TSHR: variants seen among roughly 807,000 people sequenced by gnomAD.
The protein encoded by TSHR is thyrotropin receptor.
Under a neutral mutation model 64.1 loss-of-function variants are expected in TSHR, and 51 were observed. The ratio of observed to expected loss-of-function variants is 0.80; its 90% confidence interval spans 0.64 to 1.01. The LOEUF is 1.01. Ranked by LOEUF, TSHR falls within the 50% of genes least tolerant of loss-of-function variation. The pLI, the probability that TSHR is intolerant of heterozygous loss-of-function variation, is 0.00. For missense variants in TSHR, 877 were observed against 942.8 expected (o/e 0.93, Z 0.91); for synonymous variants, 361 against 361.9 (o/e 1.00, Z 0.03).
At chr14:81,027,002 C>T (rs2139813368) in intron 1 of TSHR, among the ~76,000 whole-genome samples, 1 of 149,182 alleles carries the variant, frequency 6.7e-6, no homozygotes, top group East Asian at 2.0e-4. Flanking sequence ...CGCCACTGCA[C>T]TCCAGCCTGG....
chr14:81,103,498 A>G lies in TSHR; in HGVS notation c.615-4877A>G. ...TTTTAAAATGTAACTGAATAATACA[A>G]TTACAGCCAAGCTGGACAAATTCCA... On this transcript the variant is annotated intron_variant, in intron 7 of 9. Transcript: ENST00000298171. This position sits in a 1 kb window ranked among gnomAD's most constrained non-coding sequence, Gnocchi z 4.1. 2.0e-6 allele frequency: 2 copies of G among 985,442 alleles called. No individual in the cohort carries two copies. The highest frequency in any genetic ancestry group is 2.4e-6 in the Non-Finnish European group (2 of 829,936). The allele number at this position is 985,442 out of a possible 1,614,324, so 61.0% of individuals were successfully genotyped here.
At chr14:80,986,291 G>A (rs1402625592) in intron 1 of TSHR, among the ~76,000 whole-genome samples, 1 of 152,136 alleles carries the variant, frequency 6.6e-6, no homozygotes, top group Non-Finnish European at 1.5e-5. Context: ...ATTGAAGAGA[G>A]CTGGTAAAAA....
intron 2 of TSHR, among the ~76,000 whole-genome samples, chr14:81,064,275 T>C (rs1409178935): frequency 6.6e-6 from 1 of 152,040 alleles, no homozygotes; most frequent in East Asian, 1.9e-4. Flanking sequence ...TGAAAAAGGA[T>C]AGAGATTTGA....
At chr14:81,112,865 G>A (rs191527672) in intron 8 of TSHR, among the ~76,000 whole-genome samples, 1 of 152,356 alleles carries the variant, frequency 6.6e-6, no homozygotes, top group Non-Finnish European at 1.5e-5. Flanking sequence ...GGAATAGCAA[G>A]GAGGCCATTG....
intron 1 of TSHR, among the ~76,000 whole-genome samples, chr14:81,002,343 T>C (rs1889365683): frequency 6.6e-6 from 1 of 152,148 alleles, no homozygotes; most frequent in African/African-American, 2.4e-5. Flanking sequence ...TGAATTCAAA[T>C]CCTATCTCTA....
chr14:81,018,417 T>C (rs180933445), intron 1 of TSHR, among the ~76,000 whole-genome samples: 22 of 152,300 alleles, frequency 1.4e-4, no homozygotes, highest in African/African-American at 4.8e-4. Context: ...CCAAAGATTG[T>C]AGAGCAACCA....
At chr14:80,980,999 T>A (rs546536529) in intron 1 of TSHR, among the ~76,000 whole-genome samples, 9 of 152,352 alleles carry the variant, frequency 5.9e-5, no homozygotes, top group African/African-American at 2.2e-4. Context: ...TAAAAAAACT[T>A]ATTTTATAAT....
At chr14:81,120,066 T>C (rs1459548096) in intron 8 of TSHR, among the ~76,000 whole-genome samples, 1 of 128,446 alleles carries the variant, frequency 7.8e-6, no homozygotes, top group African/African-American at 3.0e-5. Context: ...CATTGGGAGA[T>C]ATACCTAATG....
rs755970622 is a variant in TSHR at position 80,955,693 on chromosome 14, G to A, written c.13G>A (p.Asp5Asn). The A allele has an allele frequency of 2.2e-5, 36 of 1,613,960 alleles. No individual in the cohort carries two copies. Among genetic ancestry groups the A allele is most frequent in the Non-Finnish European group, 3.1e-5 (36 of 1,179,994 alleles). MRPADLLQLVLLLDL... is the reference protein window; with the variant it reads MRPANLLQLVLLLDL... ...AGTCCCGTGGAAAATGAGGCCGGCG[G>A]ACTTGCTGCAGCTGGTGCTGCTGCT... Residue 5 changes from aspartate to asparagine, a missense_variant, in exon 1 of 10, where the codon GAC (aspartate) becomes AAC (asparagine). Physicochemically the swap from Asp to Asn is conservative, Grantham distance 23. Coordinates refer to ENST00000298171, the MANE Select transcript of TSHR (RefSeq NM_000369.5).
chr14:80,982,291 A>G (rs1412935845), intron 1 of TSHR: 29 of 904,932 alleles, frequency 3.2e-5, no homozygotes, highest in Non-Finnish European at 4.5e-5. Context: ...CTCCACATGT[A>G]AAAATGGGGC....
At chr14:81,095,993 T>C (rs1889150102) in intron 6 of TSHR, among the ~76,000 whole-genome samples, 1 of 150,968 alleles carries the variant, frequency 6.6e-6, no homozygotes. Context: ...TGAGCCGTGA[T>C]TGAGCCAGTG....
At chr14:81,039,737 A>T (rs529541813) in intron 1 of TSHR, among the ~76,000 whole-genome samples, 1 of 152,198 alleles carries the variant, frequency 6.6e-6, no homozygotes, top group East Asian at 1.9e-4. Flanking sequence ...TACAAAAAAA[A>T]GATACTTAGC....
intron 1 of TSHR, among the ~76,000 whole-genome samples, chr14:80,975,099 G>T (rs1887796838): frequency 6.6e-6 from 1 of 152,168 alleles, no homozygotes; most frequent in South Asian, 2.1e-4. Flanking sequence ...CTGTTAGGAA[G>T]ACCAAGGACA....
intron 4 of TSHR, among the ~76,000 whole-genome samples, chr14:81,088,821 C>G (rs774753370): frequency 6.6e-6 from 1 of 152,034 alleles, no homozygotes; most frequent in South Asian, 2.1e-4. Flanking sequence ...TCAAAACAAA[C>G]TTATGTTATC....
chr14:81,048,381 CTA>C (rs1211578134), intron 1 of TSHR, among the ~76,000 whole-genome samples: 1 of 152,146 alleles, frequency 6.6e-6, no homozygotes, highest in African/African-American at 2.4e-5. Flanking sequence ...CACATTCTTC[CTA>C]TATCTACATG....
intron 1 of TSHR, among the ~76,000 whole-genome samples, chr14:80,964,908 C>T (rs913472564): frequency 1.3e-5 from 2 of 152,232 alleles, no homozygotes; most frequent in African/African-American, 2.4e-5. Context: ...TACTTGAGAC[C>T]GTCACTAGGA....
At chr14:81,000,221 C>T (rs1206232510) in intron 1 of TSHR, among the ~76,000 whole-genome samples, 6 of 152,108 alleles carry the variant, frequency 3.9e-5, no homozygotes, top group African/African-American at 1.2e-4. Flanking sequence ...CGTGAGCCAC[C>T]GCACCCGGCC....
In TSHR at chr14:81,119,047, A is replaced by C. The variant is rs1223748200; in HGVS notation, c.692+10595A>C. The stretch of plus-strand genomic sequence containing the variant: ...TCAATTCAAGATGGATTAAAGACTT[A>C]AACGTTAGACCTAAAACCATAAAAA... On this transcript the variant is annotated intron_variant, in intron 8 of 9. Transcript: ENST00000298171. Among the ~76,000 whole-genome samples the C allele has an allele frequency of 2.2e-5, 3 of 138,810 alleles. No homozygotes were observed. The East Asian group carries it at 6.8e-4, about 31-fold the overall frequency. 91.1% of individuals were successfully genotyped at this position (138,810 alleles called of 152,430 possible).
intron 1 of TSHR, among the ~76,000 whole-genome samples, chr14:81,000,609 T>G (rs1889260379): frequency 6.6e-6 from 1 of 151,472 alleles, no homozygotes; most frequent in African/African-American, 2.4e-5. Flanking sequence ...GCAGTCAGAC[T>G]CCCATTCTCT....
Sources: gnomAD v4.1 joint callset for allele counts (sites outside exome capture counted in the v4.1 genomes callset) on GRCh38, gnomAD v4.1.1 for gene constraint, Gnocchi (gnomAD v3.1) non-coding constraint, MANE v1.5 for transcripts, NCBI Gene and HGNC (gene_info 2026-07-23, HGNC 2026-07-21) for gene names.